Variants in SLC16A7 observed in about 807,000 individuals in gnomAD.
The protein encoded by SLC16A7 is solute carrier family 16 member 7.
Under a neutral mutation model 34.9 loss-of-function variants are expected in SLC16A7, and 33 were observed. The observed-to-expected ratio is 0.94, with a 90% confidence interval of 0.72 to 1.26. SLC16A7 has a LOEUF of 1.26. Ranked by LOEUF, SLC16A7 falls within the 50% of genes most tolerant of loss-of-function variation. SLC16A7 has a pLI of 0.00. For synonymous variants in SLC16A7, 201 were observed against 206.6 expected, an observed-to-expected ratio of 0.97 and a Z score of 0.23; for missense variants, 573 against 578.1, an observed-to-expected ratio of 0.99 and a Z score of 0.09.
chr12:59,734,403 A>G (rs769219689), intron 3 of SLC16A7, among the ~76,000 whole-genome samples: 7 of 152,226 alleles, frequency 4.6e-5, no homozygotes, highest in Non-Finnish European at 1.0e-4. Context: ...GAGTGGGGAA[A>G]GGCCAGGGAG....
chr12:59,744,113 G>A (rs1018918712), intron 3 of SLC16A7, among the ~76,000 whole-genome samples: 4 of 152,210 alleles, frequency 2.6e-5, no homozygotes, highest in Admixed American at 2.6e-4. Context: ...TGGAGGCAGG[G>A]AAATTCTGAG....
At chr12:59,635,937 A>G (rs1186251972) in intron 1 of SLC16A7, among the ~76,000 whole-genome samples, 3 of 151,876 alleles carry the variant, frequency 2.0e-5, no homozygotes, top group South Asian at 2.1e-4. Flanking sequence ...AGAAGTATCA[A>G]TGTTTTAGTA....
At chr12:59,701,624 A>T (rs1872893076) in intron 2 of SLC16A7, among the ~76,000 whole-genome samples, 1 of 151,740 alleles carries the variant, frequency 6.6e-6, no homozygotes. Flanking sequence ...ATTCTAATTC[A>T]TAGAATTTAT....
chr12:59,784,167 G>A lies in SLC16A7; in HGVS notation c.*4488G>A, dbSNP rs1438291013. ...TTAGCAGGAAAATGTTATCTTTTAT[G>A]AATAAATAATTCCCAGATTGGTTGC... is the stretch of plus-strand genomic sequence containing the variant. On this transcript the variant is annotated 3_prime_UTR_variant, in exon 6 of 6. Transcript: ENST00000547379. 1 of 151,900 alleles carries A rather than the reference G, an allele frequency of 6.6e-6. No homozygotes were observed. The highest frequency in any genetic ancestry group is 1.5e-5 in the Non-Finnish European group (1 of 67,998). The allele number at this position is 151,900 out of a possible 1,614,324, so 9.4% of individuals were successfully genotyped here.
rs148949979 is a variant in SLC16A7, at chr12:59,615,322, C to T, written c.-130+19086C>T. 8.4e-3 allele frequency among the ~76,000 whole-genome samples: 1,276 copies of T among 151,966 alleles called. 15 individuals are homozygous for T. Among genetic ancestry groups the T allele is most frequent in the African/African-American group, 0.029 (1,211 of 41,430 alleles). ...AGAACAGGTCTCTCCTTTTCACATC[C>T]GTGAGAAGTCTCTCAAATTCCTAGA... On this transcript the variant is annotated intron_variant, in intron 1 of 5. Coordinates refer to ENST00000547379, the MANE Select transcript of SLC16A7 (RefSeq NM_001270623.2).
intron 1 of SLC16A7, among the ~76,000 whole-genome samples, chr12:59,613,021 C>T (rs1463497698): frequency 2.0e-5 from 3 of 152,152 alleles, no homozygotes; most frequent in African/African-American, 7.2e-5. Flanking sequence ...ACAGCAGCAC[C>T]CCACTCCTGG....
At chr12:59,644,873 T>C (rs1407968130) in intron 1 of SLC16A7, among the ~76,000 whole-genome samples, 1 of 152,214 alleles carries the variant, frequency 6.6e-6, no homozygotes, top group Non-Finnish European at 1.5e-5. Context: ...CTCTTATTTG[T>C]TAATGCCATT....
chr12:59,694,848 T>G (rs1872094025), intron 2 of SLC16A7, among the ~76,000 whole-genome samples: 2 of 151,976 alleles, frequency 1.3e-5, no homozygotes, highest in Non-Finnish European at 2.9e-5. Flanking sequence ...ATAGTTAATA[T>G]ATGTAAAGAA....
chr12:59,650,477 C>T (rs1868323954), intron 1 of SLC16A7, among the ~76,000 whole-genome samples: 1 of 151,890 alleles, frequency 6.6e-6, no homozygotes, highest in Non-Finnish European at 1.5e-5. Context: ...AGCTGTATAC[C>T]CCTGAGAACT....
At chr12:59,721,018 A>G (rs561085167) in intron 3 of SLC16A7, among the ~76,000 whole-genome samples, 4 of 152,206 alleles carry the variant, frequency 2.6e-5, no homozygotes, top group South Asian at 2.1e-4. Context: ...TTGAGTCTCC[A>G]TGGCAGAATG....
intron 3 of SLC16A7, among the ~76,000 whole-genome samples, chr12:59,729,692 T>C (rs1483156725): frequency 6.6e-6 from 1 of 152,220 alleles, no homozygotes; most frequent in Non-Finnish European, 1.5e-5. Context: ...ATCCTCATCA[T>C]GTAAACATAA....
intron 3 of SLC16A7, among the ~76,000 whole-genome samples, chr12:59,734,767 T>C (rs766889469): frequency 6.6e-6 from 1 of 152,238 alleles, no homozygotes; most frequent in Admixed American, 6.5e-5. Flanking sequence ...TACATCATTG[T>C]CATTCTCTAT....
intron 3 of SLC16A7, among the ~76,000 whole-genome samples, chr12:59,751,534 G>A (rs974340853): frequency 5.3e-5 from 8 of 152,216 alleles, no homozygotes; most frequent in African/African-American, 9.6e-5. Context: ...ACTGCAAGGC[G>A]GCAGCGAGGC....
chr12:59,655,532 A>C (rs1166116672), intron 2 of SLC16A7, among the ~76,000 whole-genome samples: 4 of 151,920 alleles, frequency 2.6e-5, no homozygotes, highest in Non-Finnish European at 5.9e-5. Flanking sequence ...ATTATAAAGT[A>C]GTAAATGATA....
chr12:59,749,247 A>G (rs981341605), intron 3 of SLC16A7, among the ~76,000 whole-genome samples: 2 of 152,192 alleles, frequency 1.3e-5, no homozygotes, highest in Non-Finnish European at 2.9e-5. Context: ...ATAACTCCTG[A>G]GTTTTGAAGG....
chr12:59,698,739 A>G (rs1465414217), intron 2 of SLC16A7, among the ~76,000 whole-genome samples: 1 of 151,726 alleles, frequency 6.6e-6, no homozygotes, highest in Admixed American at 6.6e-5. Flanking sequence ...ATTCCTAGAG[A>G]CAGTAATGGA....
intron 3 of SLC16A7, among the ~76,000 whole-genome samples, chr12:59,748,550 C>T (rs1172835123): frequency 6.6e-6 from 1 of 152,090 alleles, no homozygotes; most frequent in Non-Finnish European, 1.5e-5. Context: ...ATACCATAAA[C>T]CTTGAATAAC....
At chr12:59,733,582 C>G in intron 3 of SLC16A7, 1 of 386,682 alleles carries the variant, frequency 2.6e-6, no homozygotes, top group South Asian at 1.9e-5. Flanking sequence ...TGTCACAGCC[C>G]TGGCTCAGGG....
chr12:59,781,575 GT>G lies in SLC16A7; in HGVS notation c.*1897del, dbSNP rs1197432306. The G allele has an allele frequency of 6.6e-6, 1 of 152,514 alleles. No homozygotes were observed. Among genetic ancestry groups the G allele is most frequent in the African/African-American group, 2.4e-5 (1 of 41,434 alleles). 9.4% of individuals were successfully genotyped at this position (152,514 alleles called of 1,614,324 possible). On this transcript the variant is annotated 3_prime_UTR_variant, in exon 6 of 6. Coordinates refer to ENST00000547379, the MANE Select transcript of SLC16A7 (RefSeq NM_001270623.2). ...GATATTTGTATTTTTCAAATGTTAAGTAAAACAAGATGTGCCAATATCATAG... is the reference window on the plus strand; with the variant it reads ...GATATTTGTATTTTTCAAATGTTAAGAAAACAAGATGTGCCAATATCATAG...
Sources: allele counts gnomAD v4.1 joint callset (sites outside exome capture counted in the v4.1 genomes callset), GRCh38; gene constraint gnomAD v4.1.1; transcripts MANE v1.5; gene names NCBI Gene and HGNC (gene_info 2026-07-23, HGNC 2026-07-21).